Variants in DOK6 observed in about 807,000 individuals in gnomAD.
The protein encoded by DOK6 is docking protein 6.
DOK6 carries 22 observed loss-of-function variants against 44.0 expected under a neutral mutation model. The ratio of observed to expected loss-of-function variants is 0.50; its 90% CI spans 0.36 to 0.71. The LOEUF (loss-of-function observed/expected upper bound fraction) is 0.71. DOK6 is among the 30% of genes least tolerant of loss of function. The probability of loss-of-function intolerance (pLI) is 0.00; values close to 1 mark genes in which losing one functional copy is unlikely to be tolerated. For missense variants in DOK6, 340 were observed against 416.4 expected (o/e 0.82, Z 1.60); for synonymous variants, 166 against 145.5 (o/e 1.14, Z -1.01).
chr18:69,503,467 G>T (rs1417140813), intron 1 of DOK6, among the ~76,000 whole-genome samples: 4 of 151,992 alleles, frequency 2.6e-5, no homozygotes, highest in African/African-American at 9.7e-5. Context: ...AATTAATAAA[G>T]TTCTCATTGT....
chr18:69,744,715 A>G (rs546269440), intron 6 of DOK6, among the ~76,000 whole-genome samples: 1 of 152,166 alleles, frequency 6.6e-6, no homozygotes, highest in East Asian at 1.9e-4. Context: ...ACTTGAGGTC[A>G]GGAGTTCAAG....
At chr18:69,726,391 A>G (rs1380809963) in intron 5 of DOK6, among the ~76,000 whole-genome samples, 1 of 152,060 alleles carries the variant, frequency 6.6e-6, no homozygotes, top group African/African-American at 2.4e-5. Flanking sequence ...CTCAACTCAT[A>G]CCGTTCCTCC....
At chr18:69,513,904 G>T (rs1352343715) in intron 1 of DOK6, among the ~76,000 whole-genome samples, 1 of 151,902 alleles carries the variant, frequency 6.6e-6, no homozygotes, top group Non-Finnish European at 1.5e-5. Context: ...GTTAGTATTT[G>T]TCAGATTAAA....
intron 5 of DOK6, among the ~76,000 whole-genome samples, chr18:69,732,860 G>A (rs1019722871): frequency 3.9e-5 from 6 of 152,190 alleles, no homozygotes; most frequent in Non-Finnish European, 8.8e-5. Context: ...GTAGGCATGT[G>A]TATTAGTCCA....
intron 1 of DOK6, among the ~76,000 whole-genome samples, chr18:69,452,360 C>A (rs377570258): frequency 0.15 from 22,965 of 149,628 alleles, 1,913 homozygotes; most frequent in Middle Eastern, 0.31. Context: ...AAGACTAAAC[C>A]AGGAAGAAGT....
chr18:69,823,248 G>A (rs1981628957), intron 7 of DOK6, among the ~76,000 whole-genome samples: 1 of 152,174 alleles, frequency 6.6e-6, no homozygotes, highest in Non-Finnish European at 1.5e-5. Context: ...ATCTTATAGA[G>A]GAGAGACAAA....
intron 2 of DOK6, among the ~76,000 whole-genome samples, chr18:69,565,891 T>C (rs2144599143): frequency 6.6e-6 from 1 of 152,338 alleles, no homozygotes; most frequent in African/African-American, 2.4e-5. Flanking sequence ...GTCTTGCTGA[T>C]ATGTTTGTGT....
intron 3 of DOK6, among the ~76,000 whole-genome samples, chr18:69,655,266 T>C (rs949926826): frequency 1.2e-4 from 19 of 152,010 alleles, no homozygotes; most frequent in Non-Finnish European, 1.9e-4. Flanking sequence ...AATAATTTTA[T>C]TTAAAATAAA....
intron 5 of DOK6, among the ~76,000 whole-genome samples, chr18:69,729,969 A>G (rs892669057): frequency 6.6e-6 from 1 of 152,218 alleles, no homozygotes; most frequent in Non-Finnish European, 1.5e-5. Flanking sequence ...TGTTAAGATG[A>G]TGGGAAGGAC....
At chr18:69,677,407 A>T (rs1348833484) in intron 3 of DOK6, among the ~76,000 whole-genome samples, 2 of 151,236 alleles carry the variant, frequency 1.3e-5, no homozygotes, top group African/African-American at 4.8e-5. Flanking sequence ...GTAAAGCATG[A>T]TGGCTAATTT....
chr18:69,598,396 G>A (rs1040920143), intron 2 of DOK6, among the ~76,000 whole-genome samples: 1 of 151,844 alleles, frequency 6.6e-6, no homozygotes, highest in Non-Finnish European at 1.5e-5. Context: ...AGAAATTAAA[G>A]CATAGTCAAA....
intron 1 of DOK6, among the ~76,000 whole-genome samples, chr18:69,507,013 A>G (rs1981209003): frequency 6.6e-6 from 1 of 151,782 alleles, no homozygotes; most frequent in Non-Finnish European, 1.5e-5. Context: ...TGGTAATTAT[A>G]GGTTTTTGTG....
intron 1 of DOK6, among the ~76,000 whole-genome samples, chr18:69,402,118 CGA>C (rs1202543253): frequency 6.6e-6 from 1 of 151,982 alleles, no homozygotes; most frequent in Non-Finnish European, 1.5e-5. Flanking sequence ...ACTTGGGACG[CGA>C]GAGAGAGGAT....
At chr18:69,592,883 T>A (rs1299340356) in intron 2 of DOK6, among the ~76,000 whole-genome samples, 3 of 152,174 alleles carry the variant, frequency 2.0e-5, no homozygotes, top group South Asian at 2.1e-4. Context: ...GGTTTTAGAC[T>A]AATAAAAACA....
rs200364088 is a variant in DOK6, at chr18:69,721,719, G to A, written c.600-17246G>A. On this transcript the variant is annotated intron_variant, in intron 5 of 7. Coordinates refer to ENST00000382713, the MANE Select transcript of DOK6 (RefSeq NM_152721.6). ...TAAAATGCAGTAGAAGCACTATTAT[G>A]AATTTACTTAAAAGTATAATATTTC... Among the ~76,000 whole-genome samples, 18 of 82,878 alleles carry A rather than the reference G, an allele frequency of 2.2e-4. No homozygotes were observed. In the East Asian group the frequency reaches 3.8e-3, roughly 17 times the overall value. The allele number at this position is 82,878 out of a possible 152,430, so 54.4% of individuals were successfully genotyped here.
intron 3 of DOK6, among the ~76,000 whole-genome samples, chr18:69,664,767 A>G (rs1329989791): frequency 2.0e-5 from 3 of 152,192 alleles, no homozygotes; most frequent in Non-Finnish European, 4.4e-5. Flanking sequence ...TCCAAAGAGG[A>G]GAAAATGCCA....
In DOK6 at chr18:69,474,787, C is replaced by T. The variant is rs17080966; in HGVS notation, c.66+73477C>T. Among the ~76,000 whole-genome samples, 1,454 of 152,210 alleles carry T rather than the reference C, an allele frequency of 9.6e-3. 17 individuals are homozygous for T. Among genetic ancestry groups the T allele is most frequent in the African/African-American group, 0.032 (1,337 of 41,550 alleles). On this transcript the variant is annotated intron_variant, in intron 1 of 7. Transcript: ENST00000382713. ...AGAGCTAGAATAATTCTTGTCAAAA[C>T]AAAAATGAATTCAGTTGTGTAATTC...
chr18:69,757,275 G>A (rs750891060), intron 6 of DOK6, among the ~76,000 whole-genome samples: 3 of 152,124 alleles, frequency 2.0e-5, no homozygotes, highest in Non-Finnish European at 2.9e-5. Flanking sequence ...AATGTTTAGC[G>A]ATTGAAATGG....
At chr18:69,677,558 G>T (rs1014504540) in intron 3 of DOK6, among the ~76,000 whole-genome samples, 176 bp from the exon 4 acceptor site, 1 of 152,138 alleles carries the variant, frequency 6.6e-6, no homozygotes, top group Non-Finnish European at 1.5e-5. Context: ...TAATGTCAAA[G>T]AGTAGGAAAT....
Sources: gnomAD v4.1 joint callset for allele counts (sites outside exome capture counted in the v4.1 genomes callset) on GRCh38, gnomAD v4.1.1 for gene constraint, MANE v1.5 for transcripts, NCBI Gene and HGNC (gene_info 2026-07-23, HGNC 2026-07-21) for gene names.